The following CCDC102B variants were observed in gnomAD, a reference collection of about 807,000 sequenced individuals.
CCDC102B encodes the protein coiled-coil domain containing 102B.
In CCDC102B, 75 loss-of-function variants were observed where a neutral mutation model predicts 57.4. That is an observed-to-expected ratio of 1.31 (90% CI 1.08 to 1.58). The LOEUF is 1.58. Ranked by LOEUF, CCDC102B falls within the 40% of genes most tolerant of loss-of-function variation. The probability of loss-of-function intolerance (pLI) is 0.00; values close to 1 mark genes in which losing one functional copy is unlikely to be tolerated. For missense variants in CCDC102B, 636 were observed against 582.6 expected (o/e 1.09, Z -0.94); for synonymous variants, 206 against 201.9 (o/e 1.02, Z -0.17).
At chr18:68,769,419 T>C (rs2034568052) in intron 2 of CCDC102B, among the ~76,000 whole-genome samples, 2 of 152,052 alleles carry the variant, frequency 1.3e-5, no homozygotes, top group South Asian at 4.1e-4. Flanking sequence ...AATAACATCA[T>C]ATTGGGGGTT....
chr18:68,766,700 T>G (rs1487101290), intron 2 of CCDC102B, among the ~76,000 whole-genome samples: 1 of 152,184 alleles, frequency 6.6e-6, no homozygotes, highest in Non-Finnish European at 1.5e-5. Flanking sequence ...TTTTGGATAC[T>G]TTGTTTTGCC....
intron 6 of CCDC102B, among the ~76,000 whole-genome samples, chr18:68,913,680 A>T (rs2040964494): frequency 6.6e-6 from 1 of 151,030 alleles, no homozygotes; most frequent in Non-Finnish European, 1.5e-5. Context: ...AAGCAAAAAC[A>T]AAGACAAAAC....
chr18:68,923,542 G>A (rs12326199), intron 6 of CCDC102B, among the ~76,000 whole-genome samples: 128,749 of 151,944 alleles, frequency 0.85, 54,998 homozygotes, highest in East Asian at 0.96. Flanking sequence ...ATCATAAAAA[G>A]TTAGCTGATA....
chr18:68,737,382 T>A (rs542784984), intron 2 of CCDC102B, among the ~76,000 whole-genome samples: 28 of 151,980 alleles, frequency 1.8e-4, no homozygotes, highest in Non-Finnish European at 3.7e-4. Context: ...GTCCCAACAC[T>A]CTCTCATACC....
intron 6 of CCDC102B, among the ~76,000 whole-genome samples, chr18:68,967,379 A>G (rs909824091): frequency 6.6e-6 from 1 of 152,202 alleles, no homozygotes; most frequent in African/African-American, 2.4e-5. Context: ...AGGATTTTTG[A>G]AAGTATTTTT....
intron 5 of CCDC102B, among the ~76,000 whole-genome samples, chr18:68,877,672 C>T (rs1599619311): frequency 6.6e-6 from 1 of 152,350 alleles, no homozygotes; most frequent in African/African-American, 2.4e-5. Flanking sequence ...TTCTGTTTTA[C>T]ATGGGAGGTC....
chr18:68,792,978 A>T (rs1426572619), intron 2 of CCDC102B, among the ~76,000 whole-genome samples: 1 of 152,282 alleles, frequency 6.6e-6, no homozygotes, highest in South Asian at 2.1e-4. Context: ...TTCTAGATTG[A>T]TGCAATAAGA....
chr18:68,897,454 C>A (rs749137006), intron 6 of CCDC102B, 26 bp downstream of exon 6: 1 of 1,602,766 alleles, frequency 6.2e-7, no homozygotes, highest in East Asian at 2.2e-5. Context: ...GGAGCAAATT[C>A]TCACTGTCTA....
At position 68,778,892 on chromosome 18, in the gene CCDC102B, A is replaced by G. The variant is rs549651021; in HGVS notation, c.-66-44474A>G. Among the ~76,000 whole-genome samples the G allele has an allele frequency of 2.6e-5, 4 of 151,762 alleles. No homozygotes were observed. The South Asian group carries it at 8.3e-4, about 32-fold the overall frequency. On this transcript the variant is annotated intron_variant, in intron 2 of 3. Coordinates refer to the CCDC102B transcript ENST00000578970. The stretch of plus-strand genomic sequence containing the variant: ...AAGGAAGAAAACCAGAAAAAAAAAA[A>G]AAAACTGTGAAAACCTAGTACCAGA...
At chr18:68,964,221 G>A (rs2050115721) in intron 6 of CCDC102B, among the ~76,000 whole-genome samples, 1 of 151,600 alleles carries the variant, frequency 6.6e-6, no homozygotes, top group South Asian at 2.1e-4. Context: ...TAGTTCCTTG[G>A]CTCAATTTTG....
chr18:68,827,013 A>G (rs975860601), intron 1 of CCDC102B, among the ~76,000 whole-genome samples: 12 of 152,194 alleles, frequency 7.9e-5, no homozygotes, highest in African/African-American at 2.9e-4. Flanking sequence ...CACAAAGGCT[A>G]CAAGGAGATG....
At chr18:68,914,948 T>C (rs892157762) in intron 6 of CCDC102B, among the ~76,000 whole-genome samples, 2 of 149,978 alleles carry the variant, frequency 1.3e-5, no homozygotes, top group African/African-American at 2.5e-5. Flanking sequence ...GGACTTACTG[T>C]ATTTTTGATT....
At chr18:68,772,952 A>G (rs1393386049) in intron 2 of CCDC102B, among the ~76,000 whole-genome samples, 1 of 152,080 alleles carries the variant, frequency 6.6e-6, no homozygotes, top group Non-Finnish European at 1.5e-5. Flanking sequence ...TGTAAAAGGG[A>G]GTTAAAGCTT....
At chr18:68,791,075 C>G (rs967754149) in intron 2 of CCDC102B, among the ~76,000 whole-genome samples, 2 of 152,098 alleles carry the variant, frequency 1.3e-5, no homozygotes, top group Non-Finnish European at 2.9e-5. Flanking sequence ...TATGCCTTAG[C>G]AAGTGGTGGT....
chr18:68,910,992 G>A (rs1156420220), intron 6 of CCDC102B, among the ~76,000 whole-genome samples: 2 of 152,032 alleles, frequency 1.3e-5, no homozygotes, highest in African/African-American at 2.4e-5. Context: ...TGGTGGGAGT[G>A]TAAATGAGTT....
At chr18:68,806,431 G>A (rs1441159586) in intron 1 of CCDC102B, among the ~76,000 whole-genome samples, 3 of 152,006 alleles carry the variant, frequency 2.0e-5, no homozygotes, top group Admixed American at 6.5e-5. Context: ...ACTTTGGTAT[G>A]CATTTTTATT....
intron 1 of CCDC102B, among the ~76,000 whole-genome samples, chr18:68,814,393 G>A (rs554612514): frequency 6.6e-6 from 1 of 152,118 alleles, no homozygotes; most frequent in South Asian, 2.1e-4. Context: ...AAATAAACTG[G>A]TTTCATCAAG....
At chr18:68,892,920 A>G (rs1219750030) in intron 5 of CCDC102B, among the ~76,000 whole-genome samples, 1 of 152,194 alleles carries the variant, frequency 6.6e-6, no homozygotes, top group Non-Finnish European at 1.5e-5. Context: ...CAGGGAGTGT[A>G]GTTGAACCCA....
chr18:68,914,571 G>C (rs915077923), intron 6 of CCDC102B, among the ~76,000 whole-genome samples: 1 of 152,206 alleles, frequency 6.6e-6, no homozygotes, highest in African/African-American at 2.4e-5. Context: ...ATATGTGCTT[G>C]TTTTTGGATT....
Sources: gnomAD v4.1 joint callset for allele counts (sites outside exome capture counted in the v4.1 genomes callset) on GRCh38, gnomAD v4.1.1 for gene constraint, MANE v1.5 for transcripts, NCBI Gene and HGNC (gene_info 2026-07-23, HGNC 2026-07-21) for gene names.